Variants in ARHGAP15 observed in about 807,000 individuals in gnomAD.
The protein encoded by ARHGAP15 is Rho GTPase activating protein 15.
Under a neutral mutation model 63.7 loss-of-function variants are expected in ARHGAP15, and 51 were observed. The ratio of observed to expected loss-of-function variants is 0.80; its 90% CI spans 0.64 to 1.01. ARHGAP15 has a LOEUF of 1.01. Ranked by LOEUF, ARHGAP15 falls within the 50% of genes least tolerant of loss-of-function variation. The pLI, the probability that ARHGAP15 is intolerant of heterozygous loss-of-function variation, is 0.00. For missense variants in ARHGAP15, 560 were observed against 564.6 expected (o/e 0.99, Z 0.08); for synonymous variants, 191 against 193.8 (o/e 0.99, Z 0.12).
intron 3 of ARHGAP15, among the ~76,000 whole-genome samples, chr2:143,211,473 C>A (rs1183187739): frequency 6.6e-6 from 1 of 151,974 alleles, no homozygotes; most frequent in Non-Finnish European, 1.5e-5. Context: ...AGATTAACAG[C>A]AAAGTACTAT....
Position 143,304,383 on chromosome 2 carries a change from A to T in ARHGAP15, c.474+53783A>T, listed in dbSNP as rs1040356007. Among the ~76,000 whole-genome samples the T allele has an allele frequency of 2.0e-5, 3 of 152,040 alleles. No homozygotes were observed. The Middle Eastern group carries it at 0.01, about 517-fold the overall frequency. On this transcript the variant is annotated intron_variant, in intron 6 of 13. Transcript: ENST00000295095. ...AAAACCAAACACCGCATATTCTCAC[A>T]CATAGGTGGGAATTGAACAATGAGA...
In ARHGAP15 at chr2:143,191,109, C is replaced by T. The variant is rs80231572; in HGVS notation, c.166-11025C>T. On this transcript the variant is annotated intron_variant, in intron 2 of 13. Coordinates refer to ENST00000295095, the MANE Select transcript of ARHGAP15 (RefSeq NM_018460.4). ...TTATTTCTTCTCCAAGAAACATTTC[C>T]AATCAAAAGGTCAGGTTTTTTTCTT... Among the ~76,000 whole-genome samples, 1,441 of 152,328 alleles carry T rather than the reference C, an allele frequency of 9.5e-3. 30 individuals carry two copies. The highest frequency in any genetic ancestry group is 0.033 in the African/African-American group (1,368 of 41,562).
chr2:143,502,350 A>G (rs981642891), intron 9 of ARHGAP15, among the ~76,000 whole-genome samples: 13 of 151,948 alleles, frequency 8.6e-5, no homozygotes, highest in African/African-American at 3.1e-4. Context: ...CAGAGGTTGA[A>G]GTGAGCCAAG....
At chr2:143,322,172 T>G (rs911396407) in intron 6 of ARHGAP15, among the ~76,000 whole-genome samples, 3 of 152,186 alleles carry the variant, frequency 2.0e-5, no homozygotes, top group Admixed American at 2.0e-4. Context: ...CACGCCCAAC[T>G]GCAGATCTGT....
intron 8 of ARHGAP15, among the ~76,000 whole-genome samples, chr2:143,474,040 A>G (rs1361800273): frequency 9.2e-5 from 14 of 152,198 alleles, no homozygotes; most frequent in Admixed American, 7.2e-4. Context: ...TTTCCCATCC[A>G]TAGCTCAATC....
At chr2:143,538,578 T>G (rs186469296) in intron 10 of ARHGAP15, among the ~76,000 whole-genome samples, 41,883 of 152,044 alleles carry the variant, frequency 0.28, 6,137 homozygotes, top group African/African-American at 0.38. Context: ...TATTGAGAGT[T>G]TTTAGCATGA....
chr2:143,575,420 G>T (rs1294248750), intron 11 of ARHGAP15, among the ~76,000 whole-genome samples: 2 of 152,090 alleles, frequency 1.3e-5, no homozygotes, highest in East Asian at 3.8e-4. Context: ...GTAATGTTTT[G>T]ATGAGAGAAC....
At chr2:143,393,900 C>T (rs142073104) in intron 6 of ARHGAP15, among the ~76,000 whole-genome samples, 3 of 152,226 alleles carry the variant, frequency 2.0e-5, no homozygotes, top group African/African-American at 4.8e-5. Context: ...AATATCTACT[C>T]GGCAAGCAAT....
At chr2:143,315,657 T>G (rs1683668758) in intron 6 of ARHGAP15, among the ~76,000 whole-genome samples, 1 of 152,178 alleles carries the variant, frequency 6.6e-6, no homozygotes, top group Non-Finnish European at 1.5e-5. Flanking sequence ...TACTAATAAC[T>G]ATTACAGGAA....
intron 12 of ARHGAP15, among the ~76,000 whole-genome samples, chr2:143,664,272 A>G (rs921439620): frequency 1.4e-4 from 21 of 152,060 alleles, no homozygotes; most frequent in African/African-American, 5.1e-4. Context: ...CTCACTCAAA[A>G]CCGCTCAACT....
chr2:143,203,845 A>G (rs12987047), intron 3 of ARHGAP15, among the ~76,000 whole-genome samples: 22,291 of 151,996 alleles, frequency 0.15, 1,714 homozygotes, highest in Middle Eastern at 0.24. Flanking sequence ...AGCCAGTTCT[A>G]AATTTCTATT....
intron 12 of ARHGAP15, among the ~76,000 whole-genome samples, chr2:143,645,851 A>G (rs754653275): frequency 9.2e-5 from 14 of 152,208 alleles, no homozygotes; most frequent in South Asian, 6.2e-4. Flanking sequence ...TTTCAAATAC[A>G]TAATCTCTCT....
intron 10 of ARHGAP15, among the ~76,000 whole-genome samples, chr2:143,553,357 A>G (rs1695656913): frequency 6.6e-6 from 1 of 152,226 alleles, no homozygotes; most frequent in African/African-American, 2.4e-5. Context: ...AGAGATCATT[A>G]TCACTCACAA....
intron 13 of ARHGAP15, among the ~76,000 whole-genome samples, chr2:143,743,886 A>G (rs1258971902): frequency 1.3e-5 from 2 of 152,190 alleles, no homozygotes; most frequent in African/African-American, 2.4e-5. Context: ...TCCAGAAGAA[A>G]AAAAAAACAT....
chr2:143,524,794 G>A (rs1199544785), intron 10 of ARHGAP15, among the ~76,000 whole-genome samples: 2 of 152,114 alleles, frequency 1.3e-5, no homozygotes, highest in Non-Finnish European at 2.9e-5. Flanking sequence ...TGTAAAACTT[G>A]GCATGTAAAT....
chr2:143,300,641 C>A (rs562902590), intron 6 of ARHGAP15, among the ~76,000 whole-genome samples: 1 of 152,028 alleles, frequency 6.6e-6, no homozygotes, highest in East Asian at 1.9e-4. Context: ...CCTCCTGAGG[C>A]CTCATCCTTT....
At chr2:143,750,597 C>T (rs907013153) in intron 13 of ARHGAP15, among the ~76,000 whole-genome samples, 3 of 152,014 alleles carry the variant, frequency 2.0e-5, no homozygotes, top group Non-Finnish European at 4.4e-5. Context: ...CATCTAAGAT[C>T]ACAGTCAGTA....
At chr2:143,452,657 ATTTT>A (rs377089210) in intron 8 of ARHGAP15, among the ~76,000 whole-genome samples, 3 of 137,022 alleles carry the variant, frequency 2.2e-5, no homozygotes, top group Admixed American at 7.4e-5. Context: ...GCCCCTTTGG[ATTTT>A]TTTTTTTTTT....
chr2:143,170,444 A>T (rs2105045699), intron 2 of ARHGAP15, among the ~76,000 whole-genome samples: 1 of 152,286 alleles, frequency 6.6e-6, no homozygotes. Flanking sequence ...ACCAACAAAT[A>T]CATGATTGGA....
Sources: allele counts gnomAD v4.1 joint callset (sites outside exome capture counted in the v4.1 genomes callset), GRCh38; gene constraint gnomAD v4.1.1; transcripts MANE v1.5; gene names NCBI Gene and HGNC (gene_info 2026-07-23, HGNC 2026-07-21).